BOD1L1: variants seen among roughly 807,000 people sequenced by gnomAD.
BOD1L1 encodes the protein biorientation of chromosomes in cell division 1 like 1.
In BOD1L1, 86 loss-of-function variants were observed where a neutral mutation model predicts 240.7. The ratio of observed to expected loss-of-function variants is 0.36; its 90% confidence interval spans 0.30 to 0.43. The LOEUF is 0.43. Ranked by LOEUF, BOD1L1 falls within the 20% of genes least tolerant of loss-of-function variation. The pLI is 1.00. For missense variants in BOD1L1, 3,554 were observed against 3,643.5 expected, an observed-to-expected ratio of 0.98 and a Z score of 0.63; for synonymous variants, 1,268 against 1,272.3, an observed-to-expected ratio of 1.00 and a Z score of 0.07.
At chr4:13,611,406 T>C (rs1425732609) in intron 5 of BOD1L1, among the ~76,000 whole-genome samples, 1 of 152,206 alleles carries the variant, frequency 6.6e-6, no homozygotes, top group Non-Finnish European at 1.5e-5. Flanking sequence ...GACTCAGGCG[T>C]TGGAACCAGG....
rs758101552 is a variant in BOD1L1 at position 13,600,728 on chromosome 4, G to T, written c.6172C>A (p.Gln2058Lys). 6.2e-7 allele frequency: 1 copy of T among 1,613,924 alleles called. No individual in the cohort carries two copies. The highest frequency in any genetic ancestry group is 2.2e-5 in the East Asian group (1 of 44,884). Residue 2058 changes from glutamine to lysine, a missense_variant, in exon 10 of 26, where the codon CAG (glutamine) becomes AAG (lysine). Gln to Lys is a moderately conservative substitution (Grantham distance 53). Around this residue, in one of 2 missense-constraint regions of BOD1L1, gnomAD observed 3,393 missense variants for 3,427.1 expected, o/e 0.99. Coordinates refer to ENST00000040738, the MANE Select transcript of BOD1L1 (RefSeq NM_148894.3). ...ATTASGDITN[Q>K]NSLAGGKNQG... ...TTTTTACCCCCTGCTAAGCTATTCT[G>T]GTTGGTAATATCACCACTGGCTGTA...
Position 13,601,469 on chromosome 4 carries a change from C to G in BOD1L1, c.5431G>C (p.Asp1811His). 6.2e-7 allele frequency: 1 copy of G among 1,614,048 alleles called. No homozygotes were observed. The highest frequency in any genetic ancestry group is 1.7e-5 in the Admixed American group (1 of 60,034). Residue 1811 changes from aspartate (D) to histidine (H), a missense_variant, in exon 10 of 26, where the codon GAT (aspartate) becomes CAT (histidine). Asp to His is a moderately conservative substitution (Grantham distance 81, BLOSUM62 -1). Around this residue, in one of 2 missense-constraint regions of BOD1L1, gnomAD observed 3,393 missense variants for 3,427.1 expected, o/e 0.99. Transcript: ENST00000040738. The stretch of plus-strand genomic sequence containing the variant: ...CTTATAGCAAAGCCTTCGCTGCTAT[C>G]TTCTGAACCTGTGCAACTTGCTGGC... Reference protein sequence around the residue: ...EGPASCTGSEDSSEGFAISSE... With the variant: ...EGPASCTGSEHSSEGFAISSE...
Position 13,627,669 on chromosome 4 carries a change from A to G in BOD1L1, c.-82T>C. On this transcript the variant is annotated 5_prime_UTR_variant, in exon 1 of 26. Coordinates refer to ENST00000040738, the MANE Select transcript of BOD1L1 (RefSeq NM_148894.3). Reference sequence around the variant, plus strand: ...GCGGCTGCACTGGTCCCGCCGCCTGAGGGAAGCCAACGGGATGTTGTTACG... The same window carrying G: ...GCGGCTGCACTGGTCCCGCCGCCTGGGGGAAGCCAACGGGATGTTGTTACG... 9.7e-7 allele frequency: 1 copy of G among 1,025,974 alleles called. No homozygotes were observed. The highest frequency in any genetic ancestry group is 1.2e-6 in the Non-Finnish European group (1 of 854,184). The allele number at this position is 1,025,974 out of a possible 1,614,324, so 63.6% of individuals were successfully genotyped here. A position where few individuals can be genotyped will look rare whatever the true frequency, so the allele number is the denominator to read the frequency against.
chr4:13,580,921 A>C, intron 21 of BOD1L1, 99 bp downstream of exon 21: 1 of 1,143,250 alleles, frequency 8.7e-7, no homozygotes. Flanking sequence ...AAAGCTTTTC[A>C]AGTAAAAAAA....
At chr4:13,605,119 C>T in intron 9 of BOD1L1, 35 bp from the exon 10 acceptor site, 2 of 1,435,908 alleles carry the variant, frequency 1.4e-6, no homozygotes, top group African/African-American at 1.4e-5. Flanking sequence ...ATGAGAAATA[C>T]CAAAATCAAT....
At chr4:13,575,460 A>G (rs1051620362) in intron 25 of BOD1L1, among the ~76,000 whole-genome samples, 3 of 152,166 alleles carry the variant, frequency 2.0e-5, no homozygotes, top group Non-Finnish European at 4.4e-5. Flanking sequence ...AGCTCACTGC[A>G]GCCTCAAGCT....
chr4:13,614,734 G>T lies in BOD1L1; in HGVS notation c.636C>A (p.Asn212Lys). The T allele has an allele frequency of 6.2e-7, 1 of 1,613,832 alleles. No individual in the cohort carries two copies. The change falls in exon 4 of 26, where the codon AAC (asparagine) becomes AAA (lysine). Residue 212 changes from asparagine to lysine, a missense_variant. By Grantham distance (94) the Asn-to-Lys change is moderately conservative. Coordinates refer to ENST00000040738, the MANE Select transcript of BOD1L1 (RefSeq NM_148894.3). Reference sequence around the variant, plus strand: ...AAGCCCTAGCAGCACTGGCTTCTTGGTTAAGAGAAGTTATGGTTTCCAATA... The same window carrying T: ...AAGCCCTAGCAGCACTGGCTTCTTGTTTAAGAGAAGTTATGGTTTCCAATA... ...MSILETITSLNQEASAARAST... is the reference protein window; with the variant it reads ...MSILETITSLKQEASAARAST...
In BOD1L1 at chr4:13,579,983, A is replaced by C. The variant is rs138273371; in HGVS notation, c.8704-10T>G. 1.3e-4 allele frequency: 201 copies of C among 1,550,040 alleles called. No individual in the cohort carries two copies. The African/African-American group carries it at 1.6e-3, about 13-fold the overall frequency. On this transcript the variant is annotated splice_polypyrimidine_tract_variant and intron_variant, in intron 21 of 25. Coordinates refer to ENST00000040738, the MANE Select transcript of BOD1L1 (RefSeq NM_148894.3). ...ATGGAGATTGTTCTACCTATGTTTA[A>C]ATAAACAAACAAAAAAAAATTTTAA... is the stretch of plus-strand genomic sequence containing the variant.
In BOD1L1 at chr4:13,590,404, C is replaced by T. The variant is rs144809274; in HGVS notation, c.8191G>A (p.Glu2731Lys). The change falls in exon 14 of 26, where the codon GAA (glutamate) becomes AAA (lysine). Residue 2731 changes from glutamate to lysine, a missense_variant. Around this residue, in one of 2 missense-constraint regions of BOD1L1, gnomAD observed 3,393 missense variants for 3,427.1 expected, o/e 0.99. Transcript: ENST00000040738. ...GFRTNEEIHS[E>K]SYNKGEISSG... The stretch of plus-strand genomic sequence containing the variant: ...AACTTACCTCCTTTGTTATAAGATT[C>T]GCTATGAATTTCTTCATTTGTTCTG... 3.0e-5 allele frequency: 45 copies of T among 1,509,488 alleles called. No homozygotes were observed. The highest frequency in any genetic ancestry group is 1.2e-4 in the East Asian group (5 of 42,830). 93.5% of individuals were successfully genotyped at this position (1,509,488 alleles called of 1,614,324 possible).
Position 13,572,798 on chromosome 4 carries a change from C to T in BOD1L1, c.9039-2670G>A, listed in dbSNP as rs758562979. 3.9e-6 allele frequency: 5 copies of T among 1,289,654 alleles called. No individual in the cohort carries two copies. In the South Asian group the frequency reaches 4.9e-5, roughly 13 times the overall value. 79.9% of individuals were successfully genotyped at this position (1,289,654 alleles called of 1,614,324 possible). A position where few individuals can be genotyped will look rare whatever the true frequency, so the allele number is the denominator to read the frequency against. On this transcript the variant is annotated intron_variant, in intron 25 of 25. Transcript: ENST00000040738. The stretch of plus-strand genomic sequence containing the variant: ...TCTAGGAGAAACTGTGTCTGGGCTG[C>T]CAAGTTTGGATGTTGCACGTGCAGA...
chr4:13,613,450 C>A lies in BOD1L1; in HGVS notation c.1324+62G>T. The A allele has an allele frequency of 6.9e-7, 1 of 1,439,516 alleles. No homozygotes were observed. The highest frequency in any genetic ancestry group is 1.4e-5 in the South Asian group (1 of 73,122). 89.2% of individuals were successfully genotyped at this position (1,439,516 alleles called of 1,614,324 possible). On this transcript the variant is annotated intron_variant, in intron 5 of 25. Coordinates refer to ENST00000040738, the MANE Select transcript of BOD1L1 (RefSeq NM_148894.3). This position sits in a 1 kb window ranked among gnomAD's most constrained non-coding sequence, Gnocchi z 4.0. ...ACACTGTTTCTCAGGATATAGCCAT[C>A]AGAATATACAAATAATGCTTGACAG... is the stretch of plus-strand genomic sequence containing the variant.
At position 13,588,730 on chromosome 4, in the gene BOD1L1, G is replaced by C; in HGVS notation, c.8272C>G (p.Pro2758Ala). Residue 2758 changes from proline to alanine, a missense_variant, in exon 15 of 26, where the codon CCT (proline) becomes GCT (alanine). By Grantham distance (27) the Pro-to-Ala change is conservative (BLOSUM62 -1). Transcript: ENST00000040738. ...AGTTTATTAAAATGCACCTCTTTAG[G>C]ATCTGCTTCAACACTGTGACCGCTT... is the stretch of plus-strand genomic sequence containing the variant. The part of the protein sequence containing the change: ...AISGHSVEAD[P>A]KEVEEEERHM... 1 of 1,599,580 alleles carries C rather than the reference G, an allele frequency of 6.3e-7. No homozygotes were observed. Among genetic ancestry groups the C allele is most frequent in the Non-Finnish European group, 8.5e-7 (1 of 1,172,576 alleles).
At chr4:13,580,536 G>T (rs1044332570) in intron 21 of BOD1L1, among the ~76,000 whole-genome samples, 1 of 152,116 alleles carries the variant, frequency 6.6e-6, no homozygotes, top group Non-Finnish European at 1.5e-5. Context: ...TGCATGCGAT[G>T]GAATCCTGAT....
At chr4:13,595,020 G>C (rs1222581580) in intron 12 of BOD1L1, among the ~76,000 whole-genome samples, 1 of 152,226 alleles carries the variant, frequency 6.6e-6, no homozygotes, top group Non-Finnish European at 1.5e-5. Flanking sequence ...TGTGAAAACA[G>C]ATACGAGAAA....
chr4:13,598,958 C>T lies in BOD1L1; in HGVS notation c.7942G>A (p.Val2648Met). Reference protein sequence around the residue: ...IMVTVSSEENVCDIGNEESPL... With the variant: ...IMVTVSSEENMCDIGNEESPL... The stretch of plus-strand genomic sequence containing the variant: ...TACAGATTCTCACCTATGTCACACA[C>T]ATTTTCTTCAGAAGACACAGTAACC... The change falls in exon 10 of 26, where the codon GTG becomes ATG. Residue 2648 changes from valine (V) to methionine (M), a missense_variant. Physicochemically the swap from Val to Met is conservative, Grantham distance 21. Transcript: ENST00000040738. 1.2e-6 allele frequency: 2 copies of T among 1,605,734 alleles called. No homozygotes were observed. Among genetic ancestry groups the T allele is most frequent in the South Asian group, 1.1e-5 (1 of 90,250 alleles).
rs953973429 is a variant in BOD1L1 at position 13,608,419 on chromosome 4, G to T, written c.1742+111C>A. 1.6e-4 allele frequency: 141 copies of T among 903,362 alleles called. 1 individual carries two copies. Among genetic ancestry groups the T allele is most frequent in the Non-Finnish European group, 2.1e-4 (138 of 650,632 alleles). 56.0% of individuals were successfully genotyped at this position (903,362 alleles called of 1,614,324 possible). On this transcript the variant is annotated intron_variant, in intron 8 of 25. Coordinates refer to ENST00000040738, the MANE Select transcript of BOD1L1 (RefSeq NM_148894.3). ...AAACCCTAAGGTCCTTCATAAACATGCAGTAACATACACAACCAAAGTACA... is the reference window on the plus strand; with the variant it reads ...AAACCCTAAGGTCCTTCATAAACATTCAGTAACATACACAACCAAAGTACA...
chr4:13,586,465 T>C lies in BOD1L1; in HGVS notation c.8364A>G (p.Pro2788=), dbSNP rs376355355. 55 of 1,607,408 alleles carry C rather than the reference T, an allele frequency of 3.4e-5. No individual in the cohort carries two copies. The highest frequency in any genetic ancestry group is 4.5e-5 in the Non-Finnish European group (53 of 1,175,228). ...TTTCTATTCTGGAATCCAGGACATC[T>C]GGATTATCATCTGTAAATCAGTTTA... ...LSSEDEPDDN[P]DVLDSRIETA... Residue 2788 remains proline (P), a synonymous_variant, in exon 17 of 26, where the codon CCA becomes CCG. Transcript: ENST00000040738.
chr4:13,604,114 T>G lies in BOD1L1; in HGVS notation c.2786A>C (p.Gln929Pro). The G allele has an allele frequency of 6.2e-7, 1 of 1,613,730 alleles. No homozygotes were observed. The highest frequency in any genetic ancestry group is 1.1e-5 in the South Asian group (1 of 91,060). ...GGTTGCCTGTTTTGTGGCACCTTCT[T>G]GTAATTCTGTTTCTACAACTTTTAC... ...KQVKVVETEL[Q>P]EGATKQATTP... is the part of the protein sequence containing the mutation. The change falls in exon 10 of 26, where the codon CAA (glutamine) becomes CCA (proline). Residue 929 changes from glutamine (Q) to proline (P), a missense_variant. By Grantham distance (76) the Gln-to-Pro change is moderately conservative. This residue lies in a region of BOD1L1 where 3,393 missense variants were observed against 3,427.1 expected (regional missense o/e 0.99). Coordinates refer to ENST00000040738, the MANE Select transcript of BOD1L1 (RefSeq NM_148894.3).
At chr4:13,572,904 C>T (rs1223477603) in intron 25 of BOD1L1, 2 of 1,243,832 alleles carry the variant, frequency 1.6e-6, no homozygotes, top group Non-Finnish European at 2.1e-6. Flanking sequence ...CCCTGGAACT[C>T]TGTAGGAAGT....
Sources: allele counts gnomAD v4.1 joint callset (sites outside exome capture counted in the v4.1 genomes callset), GRCh38; gene constraint gnomAD v4.1.1; regional missense constraint gnomAD v4.1.1; non-coding constraint Gnocchi (gnomAD v3.1); transcripts MANE v1.5; gene names NCBI Gene and HGNC (gene_info 2026-07-23, HGNC 2026-07-21).